Variants in ZFHX3 observed in about 807,000 individuals in gnomAD.
The protein encoded by ZFHX3 is zinc finger homeobox protein 3.
ZFHX3 carries 42 observed loss-of-function variants against 279.1 expected under a neutral mutation model. The ratio of observed to expected loss-of-function variants is 0.15; its 90% CI spans 0.12 to 0.19. The LOEUF (loss-of-function observed/expected upper bound fraction) is 0.19, where lower values mean the gene tolerates loss of function less well. ZFHX3 is among the 10% of genes least tolerant of loss of function. The pLI, the probability that ZFHX3 is intolerant of heterozygous loss-of-function variation, is 1.00. For missense variants in ZFHX3, 4,981 were observed against 4,754.0 expected (o/e 1.05, Z -1.40); for synonymous variants, 2,293 against 1,957.8 (o/e 1.17, Z -4.52).
intron 7 of ZFHX3, among the ~76,000 whole-genome samples, chr16:72,805,047 G>A (rs2036221054): frequency 6.6e-6 from 1 of 151,816 alleles, no homozygotes; most frequent in Non-Finnish European, 1.5e-5. Flanking sequence ...GCACAATCTC[G>A]GCTCACTGCA....
At chr16:73,184,014 G>A (rs570080067) in intron 5 of ZFHX3, among the ~76,000 whole-genome samples, 2 of 152,270 alleles carry the variant, frequency 1.3e-5, no homozygotes, top group Non-Finnish European at 2.9e-5. Flanking sequence ...CCTCAGGGAT[G>A]CGGACCATGT....
intron 2 of ZFHX3, among the ~76,000 whole-genome samples, chr16:73,531,287 T>C (rs1454753990): frequency 6.6e-6 from 1 of 152,208 alleles, no homozygotes; most frequent in Non-Finnish European, 1.5e-5. Context: ...CAGGTCAACG[T>C]CTTTTGCTAT....
At chr16:73,752,060 G>A (rs569109464) in intron 1 of ZFHX3, among the ~76,000 whole-genome samples, 1 of 152,272 alleles carries the variant, frequency 6.6e-6, no homozygotes, top group East Asian at 1.9e-4. Context: ...AGATCTATAA[G>A]CAGAGAAAGA....
At chr16:72,947,413 T>TA (rs1228007946) in intron 3 of ZFHX3, among the ~76,000 whole-genome samples, 1 of 152,204 alleles carries the variant, frequency 6.6e-6, no homozygotes, top group African/African-American at 2.4e-5. Flanking sequence ...AGTTCACTCT[T>TA]ACAGCAATCT....
At chr16:73,056,379 A>T (rs925654644) in intron 1 of ZFHX3, among the ~76,000 whole-genome samples, 2 of 145,550 alleles carry the variant, frequency 1.4e-5, no homozygotes, top group African/African-American at 5.0e-5. Flanking sequence ...TGCACTAGTT[A>T]AAAAAAAAAC....
chr16:73,372,969 AC>A (rs757022979), intron 3 of ZFHX3, among the ~76,000 whole-genome samples: 6 of 152,254 alleles, frequency 3.9e-5, no homozygotes, highest in Non-Finnish European at 8.8e-5. Context: ...ACCCCTAATG[AC>A]AAAACACATC....
At chr16:73,739,746 C>T (rs567998379) in intron 1 of ZFHX3, among the ~76,000 whole-genome samples, 12 of 152,350 alleles carry the variant, frequency 7.9e-5, no homozygotes, top group African/African-American at 2.6e-4. Flanking sequence ...TCCCTTCTCA[C>T]TGGGTCCACT....
At chr16:73,570,338 CTT>C (rs2051720608) in intron 2 of ZFHX3, among the ~76,000 whole-genome samples, 1 of 152,148 alleles carries the variant, frequency 6.6e-6, no homozygotes, top group Admixed American at 6.5e-5. Flanking sequence ...ATTTAGCATT[CTT>C]TTACAACATG....
intron 3 of ZFHX3, among the ~76,000 whole-genome samples, chr16:73,431,133 A>G (rs1288489143): frequency 6.6e-6 from 1 of 152,232 alleles, no homozygotes; most frequent in Non-Finnish European, 1.5e-5. Context: ...AACGGCATTG[A>G]CAGAAAATTC....
intron 5 of ZFHX3, among the ~76,000 whole-genome samples, chr16:73,161,420 G>A (rs962919323): frequency 2.0e-5 from 3 of 152,082 alleles, no homozygotes; most frequent in Admixed American, 6.5e-5. Flanking sequence ...CACATTCCAC[G>A]TGCATGCTCA....
At chr16:73,832,935 A>T (rs1244023154) in intron 1 of ZFHX3, among the ~76,000 whole-genome samples, 1 of 152,224 alleles carries the variant, frequency 6.6e-6, no homozygotes, top group Non-Finnish European at 1.5e-5. Context: ...GCTATATGAC[A>T]GTCAAATTTA....
chr16:73,712,034 T>G (rs2053368064), intron 1 of ZFHX3, among the ~76,000 whole-genome samples: 1 of 152,220 alleles, frequency 6.6e-6, no homozygotes, highest in Non-Finnish European at 1.5e-5. Flanking sequence ...ATCGAGTCAC[T>G]GAATAAACAA....
intron 5 of ZFHX3, among the ~76,000 whole-genome samples, chr16:72,824,781 G>T (rs903943705): frequency 1.3e-5 from 2 of 152,172 alleles, no homozygotes; most frequent in Non-Finnish European, 2.9e-5. Flanking sequence ...TGATTAATTG[G>T]ATAATCACTG....
intron 4 of ZFHX3, among the ~76,000 whole-genome samples, chr16:73,279,173 G>A (rs1274472572): frequency 1.3e-5 from 2 of 151,810 alleles, no homozygotes; most frequent in Non-Finnish European, 2.9e-5. Context: ...TTTAAGCTAG[G>A]ACAGAAGTTT....
chr16:73,493,058 A>C (rs1278685171), intron 2 of ZFHX3, among the ~76,000 whole-genome samples: 1 of 152,154 alleles, frequency 6.6e-6, no homozygotes, highest in Non-Finnish European at 1.5e-5. Context: ...TTATTCTTTC[A>C]ATTTTTTTTT....
chr16:73,462,976 G>A lies in ZFHX3; in HGVS notation c.-1546-6718C>T, dbSNP rs573359306. ...TTCTGGATGATATTGAAATTGTGTA[G>A]AATTGGTGTTAATGCTTCTTTATAT... On this transcript the variant is annotated intron_variant, in intron 2 of 17. Coordinates refer to the ZFHX3 transcript ENST00000641206. Among the ~76,000 whole-genome samples the A allele has an allele frequency of 2.5e-4, 38 of 152,254 alleles. No homozygotes were observed. The South Asian group carries it at 4.1e-3, about 17-fold the overall frequency.
At chr16:73,553,040 T>A (rs200259139) in intron 2 of ZFHX3, among the ~76,000 whole-genome samples, 2 of 152,170 alleles carry the variant, frequency 1.3e-5, no homozygotes, top group Non-Finnish European at 2.9e-5. Flanking sequence ...CCTAATCACA[T>A]CGCCTGTGAA....
At chr16:73,391,817 A>G (rs1037572011) in intron 3 of ZFHX3, among the ~76,000 whole-genome samples, 2 of 152,164 alleles carry the variant, frequency 1.3e-5, no homozygotes, top group Non-Finnish European at 2.9e-5. Flanking sequence ...AGAATGCCCA[A>G]TATATCTGGA....
intron 3 of ZFHX3, among the ~76,000 whole-genome samples, chr16:72,909,946 A>C (rs1213735982): frequency 6.6e-6 from 1 of 151,916 alleles, no homozygotes; most frequent in Non-Finnish European, 1.5e-5. Flanking sequence ...AAGCTGTTTC[A>C]ACGTGAAAGT....
Sources: allele counts gnomAD v4.1 joint callset (sites outside exome capture counted in the v4.1 genomes callset), GRCh38; gene constraint gnomAD v4.1.1; transcripts MANE v1.5; gene names NCBI Gene and HGNC (gene_info 2026-07-23, HGNC 2026-07-21).